SGK1: variants seen among roughly 807,000 people sequenced by gnomAD.
SGK1 encodes the protein serine/threonine-protein kinase Sgk1.
A neutral mutation model predicts 64.2 loss-of-function variants in SGK1; 26 were observed. The observed-to-expected ratio is 0.40, with a 90% CI of 0.30 to 0.56. The LOEUF (loss-of-function observed/expected upper bound fraction) is 0.56, where lower values mean the gene tolerates loss of function less well. Ranked by LOEUF, SGK1 falls within the 20% of genes least tolerant of loss-of-function variation. SGK1 has a pLI of 0.38. For synonymous variants in SGK1, 265 were observed against 239.7 expected, an observed-to-expected ratio of 1.11 and a Z score of -0.98; for missense variants, 519 against 645.6, an observed-to-expected ratio of 0.80 and a Z score of 2.12.
chr6:134,254,283 A>G (rs1387562503), intron 2 of SGK1, among the ~76,000 whole-genome samples: 1 of 152,204 alleles, frequency 6.6e-6, no homozygotes, highest in Non-Finnish European at 1.5e-5. Context: ...CTTAGAGAAT[A>G]CATGGACACG....
At chr6:134,291,404 TTA>T (rs1295934449) in intron 1 of SGK1, among the ~76,000 whole-genome samples, 2 of 152,214 alleles carry the variant, frequency 1.3e-5, no homozygotes, top group Non-Finnish European at 2.9e-5. Flanking sequence ...AACTAAGTTG[TTA>T]TCTGACCTTA....
rs1562237305 is a variant in SGK1, at chr6:134,172,679, T to A, written c.930A>T (p.Ser310=). ...EIASALGYLH[S]LNIVYRDLKP... is the part of the protein sequence containing the mutation. The stretch of plus-strand genomic sequence containing the variant: ...AGGCTTACCTATAAACGATGTTCAG[T>A]GAATGCAGGTAGCCCAAGGCACTGG... Residue 310 remains serine (S), a synonymous_variant, in exon 9 of 14, where the codon TCA becomes TCT. Transcript: ENST00000367858. 6.2e-7 allele frequency: 1 copy of A among 1,611,748 alleles called. No individual in the cohort carries two copies.
rs79413326 is a variant in SGK1 at position 134,233,708 on chromosome 6, C to T, written c.286-26277G>A. Among the ~76,000 whole-genome samples the T allele has an allele frequency of 3.7e-4, 56 of 151,928 alleles. 1 individual carries two copies. In the East Asian group the frequency reaches 0.01, roughly 27 times the overall value. ...ATAAATATGGGATTTAAATATAATT[C>T]ATGCAGAAATAGGCCAAAACATTCC... On this transcript the variant is annotated intron_variant, in intron 2 of 13. Transcript: ENST00000367858.
Position 134,317,864 on chromosome 6 carries a change from G to A in SGK1, c.-404C>T, listed in dbSNP as rs773409542. 4.0e-4 allele frequency: 75 copies of A among 185,664 alleles called. No individual in the cohort carries two copies. The highest frequency in any genetic ancestry group is 6.7e-4 in the Non-Finnish European group (60 of 89,716). The allele number at this position is 185,664 out of a possible 1,614,324, so 11.5% of individuals were successfully genotyped here. A position where few individuals can be genotyped will look rare whatever the true frequency, so the allele number is the denominator to read the frequency against. On this transcript the variant is annotated 5_prime_UTR_variant, in exon 1 of 14. Coordinates refer to ENST00000367858, the MANE Select transcript of SGK1 (RefSeq NM_001143676.3). ...CGGGGAGCGAGTCGCTCTTCTCCAG[G>A]TGATGCGCTCCTGGAGGCGGCTTGA...
chr6:134,201,747 T>C (rs1210871438), intron 3 of SGK1, among the ~76,000 whole-genome samples: 1 of 152,334 alleles, frequency 6.6e-6, no homozygotes, highest in Non-Finnish European at 1.5e-5. Flanking sequence ...GACTAGAACA[T>C]GGCCTTTGTA....
chr6:134,273,052 T>C (rs1442637392), intron 1 of SGK1, among the ~76,000 whole-genome samples: 1 of 148,188 alleles, frequency 6.7e-6, no homozygotes, highest in Non-Finnish European at 1.5e-5. Flanking sequence ...ACAGCAGGTC[T>C]ACCCTCCCCA....
chr6:134,252,402 A>G (rs140348060), intron 2 of SGK1, among the ~76,000 whole-genome samples: 32 of 152,344 alleles, frequency 2.1e-4, no homozygotes, highest in Non-Finnish European at 4.1e-4. Context: ...ACTCTTTCAC[A>G]TGAAATTCTT....
At chr6:134,311,711 A>T (rs1777611067) in intron 1 of SGK1, among the ~76,000 whole-genome samples, 1 of 152,090 alleles carries the variant, frequency 6.6e-6, no homozygotes, top group East Asian at 1.9e-4. Flanking sequence ...AAGCAGTACT[A>T]ATGTAACAAT....
chr6:134,225,072 G>A (rs1305967436), intron 2 of SGK1, among the ~76,000 whole-genome samples: 4 of 148,664 alleles, frequency 2.7e-5, no homozygotes, highest in African/African-American at 9.9e-5. Flanking sequence ...ATTGTAGGCC[G>A]ATGCGGTGGC....
rs55961271 is a variant in SGK1 at position 134,213,615 on chromosome 6, A to AAAATAAATAAATAAATAAATAAAT, written c.286-6208_286-6185dup. 2.4e-3 allele frequency among the ~76,000 whole-genome samples: 293 copies of AAAATAAATAAATAAATAAATAAAT among 123,006 alleles called. 5 individuals carry two copies. The highest frequency in any genetic ancestry group is 9.9e-3 in the East Asian group (45 of 4,566). The allele number at this position is 123,006 out of a possible 152,430, so 80.7% of individuals were successfully genotyped here. ...GGTGACAAGAGCAAAACTCTGTCTC[A>AAAATAAATAAATAAATAAATAAAT]AAATAAATAAATAAATAAATAAATA... On this transcript the variant is annotated intron_variant, in intron 2 of 13. Coordinates refer to ENST00000367858, the MANE Select transcript of SGK1 (RefSeq NM_001143676.3).
intron 1 of SGK1, among the ~76,000 whole-genome samples, chr6:134,311,154 G>A (rs964956414): frequency 1.4e-4 from 22 of 152,148 alleles, no homozygotes; most frequent in African/African-American, 5.1e-4. Context: ...TAAACATAGA[G>A]AGAAATAAAA....
intron 1 of SGK1, chr6:134,296,920 C>T: frequency 3.5e-6 from 1 of 286,610 alleles, no homozygotes; most frequent in Non-Finnish European, 6.5e-6. Context: ...CCCTGTCCTA[C>T]CCTGCACAGG....
chr6:134,201,790 G>A (rs1370452745), intron 3 of SGK1, among the ~76,000 whole-genome samples: 3 of 152,218 alleles, frequency 2.0e-5, no homozygotes, highest in Non-Finnish European at 4.4e-5. Flanking sequence ...AAGATTTGGT[G>A]TTGTGGATGG....
intron 2 of SGK1, among the ~76,000 whole-genome samples, chr6:134,223,071 A>G (rs1177110860): frequency 6.6e-6 from 1 of 152,122 alleles, no homozygotes; most frequent in Non-Finnish European, 1.5e-5. Context: ...ATTGTGCTGT[A>G]TAAGGATGAT....
intron 1 of SGK1, among the ~76,000 whole-genome samples, chr6:134,274,667 G>GA (rs752128288): frequency 0.025 from 2,831 of 111,392 alleles, 51 homozygotes; most frequent in African/African-American, 0.068. Flanking sequence ...TCCAAAATCT[G>GA]AAAAAAAAAA....
intron 4 of SGK1, 29 bp downstream of exon 4, chr6:134,174,482 G>C (rs375352335): frequency 6.4e-7 from 1 of 1,555,536 alleles, no homozygotes. Context: ...AACTATACTA[G>C]TTATTTCCTC....
At chr6:134,309,283 T>C (rs1251016266) in intron 1 of SGK1, among the ~76,000 whole-genome samples, 1 of 152,218 alleles carries the variant, frequency 6.6e-6, no homozygotes, top group African/African-American at 2.4e-5. Flanking sequence ...ATAATAATCC[T>C]TTCTCCACAT....
rs551161771 is a variant in SGK1, at chr6:134,228,536, TAGA to T, written c.286-21108_286-21106del. On this transcript the variant is annotated intron_variant, in intron 2 of 13. Coordinates refer to ENST00000367858, the MANE Select transcript of SGK1 (RefSeq NM_001143676.3). ...TTAGATATCCCCAGACTGTAAACTG[TAGA>T]AGAAGGGACTGTGTCCTGAGTTATT... Among the ~76,000 whole-genome samples, 29 of 152,324 alleles carry T rather than the reference TAGA, an allele frequency of 1.9e-4. No individual in the cohort carries two copies. The South Asian group carries it at 3.9e-3, about 21-fold the overall frequency.
chr6:134,175,615 AG>A (rs1468184524), intron 3 of SGK1: 1 of 1,542,238 alleles, frequency 6.5e-7, no homozygotes, highest in South Asian at 1.2e-5. Flanking sequence ...GGGCCGCAGC[AG>A]GGACTCGAGC....
Sources: allele counts gnomAD v4.1 joint callset (sites outside exome capture counted in the v4.1 genomes callset), GRCh38; gene constraint gnomAD v4.1.1; transcripts MANE v1.5; gene names NCBI Gene and HGNC (gene_info 2026-07-23, HGNC 2026-07-21).